Variants in PTPRN2 observed in about 807,000 individuals in gnomAD.
PTPRN2 encodes the protein protein tyrosine phosphatase receptor type N2, also known as receptor-type tyrosine-protein phosphatase N2.
Under a neutral mutation model 118.8 loss-of-function variants are expected in PTPRN2, and 74 were observed. That is an observed-to-expected ratio of 0.62 (90% CI 0.52 to 0.76). The LOEUF (loss-of-function observed/expected upper bound fraction) is 0.76. Ranked by LOEUF, PTPRN2 falls within the 30% of genes least tolerant of loss-of-function variation. PTPRN2 has a pLI of 0.00. For missense variants in PTPRN2, 1,481 were observed against 1,394.4 expected, an observed-to-expected ratio of 1.06 and a Z score of -0.99; for synonymous variants, 641 against 608.0, an observed-to-expected ratio of 1.05 and a Z score of -0.80.
intron 6 of PTPRN2, among the ~76,000 whole-genome samples, chr7:158,140,296 A>C (rs1819252311): frequency 6.6e-6 from 1 of 152,254 alleles, no homozygotes; most frequent in East Asian, 1.9e-4. Flanking sequence ...GCGTTTCAAC[A>C]GAGAAAGGAA....
chr7:157,860,901 C>G (rs1810185159), intron 12 of PTPRN2, among the ~76,000 whole-genome samples: 1 of 152,204 alleles, frequency 6.6e-6, no homozygotes, highest in Admixed American at 6.5e-5. Flanking sequence ...ACGGAACTGA[C>G]CAGGCAATTC....
intron 14 of PTPRN2, among the ~76,000 whole-genome samples, chr7:157,633,808 C>T (rs902163003): frequency 1.3e-5 from 2 of 152,202 alleles, no homozygotes; most frequent in African/African-American, 4.8e-5. Flanking sequence ...TCCGGCAGAC[C>T]AGGAGCTGTT....
At chr7:157,681,995 G>C (rs909785067) in intron 13 of PTPRN2, among the ~76,000 whole-genome samples, 1 of 152,170 alleles carries the variant, frequency 6.6e-6, no homozygotes, top group Non-Finnish European at 1.5e-5. Flanking sequence ...GGAATCAAAC[G>C]CCTTGACTGG....
intron 12 of PTPRN2, among the ~76,000 whole-genome samples, chr7:157,846,579 G>A (rs1363286386): frequency 6.6e-6 from 1 of 152,234 alleles, no homozygotes; most frequent in Non-Finnish European, 1.5e-5. Context: ...CACCCTGCCT[G>A]CTGCTGTCTG....
At chr7:157,836,434 A>G (rs1409966074) in intron 12 of PTPRN2, among the ~76,000 whole-genome samples, 1 of 152,234 alleles carries the variant, frequency 6.6e-6, no homozygotes, top group Middle Eastern at 3.2e-3. Context: ...ATGCCCAAGG[A>G]TATTAATTGC....
intron 12 of PTPRN2, among the ~76,000 whole-genome samples, chr7:157,752,023 G>A (rs1352645827): frequency 3.3e-5 from 5 of 152,146 alleles, no homozygotes; most frequent in Non-Finnish European, 5.9e-5. Context: ...ACCCCTGAGG[G>A]TAGATATGCT....
intron 2 of PTPRN2, among the ~76,000 whole-genome samples, chr7:158,436,642 C>T (rs1212252754): frequency 1.3e-5 from 2 of 152,186 alleles, no homozygotes; most frequent in Non-Finnish European, 2.9e-5. Flanking sequence ...TGTCTGGTCA[C>T]GTCTTGATTT....
chr7:158,072,009 G>C (rs1273699058), intron 11 of PTPRN2, among the ~76,000 whole-genome samples: 3 of 105,406 alleles, frequency 2.8e-5, no homozygotes, highest in African/African-American at 1.1e-4. Context: ...GGAGGTGCTC[G>C]TCGTATGGAG....
Position 158,292,829 on chromosome 7 carries a change from AGGTCAAGGTG to A in PTPRN2, c.277+23980_277+23989del, listed in dbSNP as rs1454002964. Among the ~76,000 whole-genome samples the A allele has an allele frequency of 3.9e-5, 6 of 152,294 alleles. No homozygotes were observed. In the East Asian group the frequency reaches 1.2e-3, roughly 29 times the overall value. Reference sequence around the variant, plus strand: ...ACGCCTGTAATCCCAGCACTTTGGGAGGTCAAGGTGGGTGGATCAGTTGAGGTCAGGAGTT... The same window carrying A: ...ACGCCTGTAATCCCAGCACTTTGGGAGGTGGATCAGTTGAGGTCAGGAGTT... On this transcript the variant is annotated intron_variant, in intron 3 of 22. Coordinates refer to ENST00000389418, the MANE Select transcript of PTPRN2 (RefSeq NM_002847.5).
At position 158,192,382 on chromosome 7, in the gene PTPRN2, G is replaced by A. The variant is rs776525271; in HGVS notation, c.494C>T (p.Pro165Leu). The A allele has an allele frequency of 7.9e-6, 12 of 1,528,290 alleles. No homozygotes were observed. The highest frequency in any genetic ancestry group is 4.4e-5 in the African/African-American group (3 of 68,812). 94.7% of individuals were successfully genotyped at this position (1,528,290 alleles called of 1,614,324 possible). ...LPFLEALSQAPASDVLARTHT... is the reference protein window; with the variant it reads ...LPFLEALSQALASDVLARTHT... ...GGTCCTGGCGAGCACGTCTGAGGCT[G>A]GGGCCTGGGACAGGGCCTCCAGGAA... The change falls in exon 5 of 23, where the codon CCA (proline) becomes CTA (leucine). Residue 165 changes from proline (P) to leucine (L), a missense_variant. By Grantham distance (98) the Pro-to-Leu change is moderately conservative (BLOSUM62 -3). Transcript: ENST00000389418.
intron 10 of PTPRN2, among the ~76,000 whole-genome samples, chr7:158,106,924 A>T (rs1815736382): frequency 6.6e-6 from 1 of 152,194 alleles, no homozygotes; most frequent in African/African-American, 2.4e-5. Context: ...TCCTGGAAGC[A>T]TCTCAGCTCT....
chr7:157,572,290 G>A (rs889960077), intron 19 of PTPRN2, among the ~76,000 whole-genome samples: 6 of 152,112 alleles, frequency 3.9e-5, no homozygotes, highest in African/African-American at 1.2e-4. Context: ...AATTAAAGGC[G>A]GAACCTCGGG....
intron 3 of PTPRN2, among the ~76,000 whole-genome samples, chr7:158,305,899 T>A (rs1337220487): frequency 6.6e-6 from 1 of 151,798 alleles, no homozygotes; most frequent in Admixed American, 6.6e-5. Flanking sequence ...CTCCCTCTCC[T>A]CAGCTCTGCC....
chr7:158,432,745 G>T (rs1168154176), intron 2 of PTPRN2, among the ~76,000 whole-genome samples: 17 of 152,156 alleles, frequency 1.1e-4, no homozygotes, highest in Admixed American at 1.1e-3. Flanking sequence ...CCAGGAGCAA[G>T]GCCAGCTCAG....
intron 11 of PTPRN2, among the ~76,000 whole-genome samples, chr7:157,979,849 C>T (rs1803006110): frequency 6.6e-6 from 1 of 152,174 alleles, no homozygotes; most frequent in Admixed American, 6.5e-5. Context: ...CAATCGCAGC[C>T]CAGGCCAGCA....
intron 2 of PTPRN2, among the ~76,000 whole-genome samples, chr7:158,399,009 A>C (rs1186227488): frequency 6.6e-6 from 1 of 152,014 alleles, no homozygotes; most frequent in Non-Finnish European, 1.5e-5. Flanking sequence ...TAAATGTCTT[A>C]TGTATTTGCT....
intron 6 of PTPRN2, among the ~76,000 whole-genome samples, chr7:158,155,580 T>TCAA (rs1821684066): frequency 8.7e-6 from 1 of 115,342 alleles, no homozygotes; most frequent in Non-Finnish European, 1.9e-5. Context: ...ATCATCACCA[T>TCAA]CACCATCATC....
intron 1 of PTPRN2, among the ~76,000 whole-genome samples, chr7:158,535,939 C>A (rs554118978): frequency 1.2e-4 from 18 of 147,644 alleles, no homozygotes; most frequent in Non-Finnish European, 2.5e-4. Flanking sequence ...TGGTTCCATA[C>A]TAGATAAGAT....
chr7:157,703,608 C>T (rs1210847593), intron 12 of PTPRN2, among the ~76,000 whole-genome samples: 2 of 142,748 alleles, frequency 1.4e-5, no homozygotes, highest in African/African-American at 2.6e-5. Flanking sequence ...GAACACCCAG[C>T]GTGGGTCTTC....
Sources: gnomAD v4.1 joint callset for allele counts (sites outside exome capture counted in the v4.1 genomes callset) on GRCh38, gnomAD v4.1.1 for gene constraint, MANE v1.5 for transcripts, NCBI Gene and HGNC (gene_info 2026-07-23, HGNC 2026-07-21) for gene names.